DLG1: variants seen among roughly 807,000 people sequenced by gnomAD.
The protein encoded by DLG1 is discs large MAGUK scaffold protein 1.
A neutral mutation model predicts 123.4 loss-of-function variants in DLG1; 42 were observed. That is an observed-to-expected ratio of 0.34 (90% CI 0.27 to 0.44). The LOEUF is 0.44. Ranked by LOEUF, DLG1 falls within the 20% of genes least tolerant of loss-of-function variation. The pLI, the probability that DLG1 is intolerant of heterozygous loss-of-function variation, is 1.00. For synonymous variants in DLG1, 317 were observed against 356.2 expected, an observed-to-expected ratio of 0.89 and a Z score of 1.24; for missense variants, 942 against 1,082.6, an observed-to-expected ratio of 0.87 and a Z score of 1.82.
chr3:197,059,851 T>C lies in DLG1; in HGVS notation c.2483+38A>G. ...ATAAATTACCCTACAGTGACTGAAT[T>C]TGTACACAGAGGCTATGCCTTAGGC... On this transcript the variant is annotated intron_variant, in intron 23 of 24. Coordinates refer to ENST00000667157, the MANE Select transcript of DLG1 (RefSeq NM_001366207.1). 2.2e-6 allele frequency: 3 copies of C among 1,395,046 alleles called. No homozygotes were observed. In the Middle Eastern group the frequency reaches 5.4e-4, roughly 253 times the overall value. The allele number at this position is 1,395,046 out of a possible 1,614,324, so 86.4% of individuals were successfully genotyped here. A position where few individuals can be genotyped will look rare whatever the true frequency, so the allele number is the denominator to read the frequency against.
At chr3:197,128,133 G>A (rs1338269289) in intron 11 of DLG1, among the ~76,000 whole-genome samples, 1 of 152,118 alleles carries the variant, frequency 6.6e-6, no homozygotes, top group Non-Finnish European at 1.5e-5. Flanking sequence ...ATGTGATGCT[G>A]GTTTGTTAGC....
intron 4 of DLG1, among the ~76,000 whole-genome samples, chr3:197,275,669 T>C (rs977496372): frequency 1.3e-5 from 2 of 152,292 alleles, no homozygotes; most frequent in Admixed American, 6.5e-5. Flanking sequence ...ATGTTGTCAC[T>C]CATATGTGGA....
intron 4 of DLG1, among the ~76,000 whole-genome samples, chr3:197,219,343 C>A (rs1053068033): frequency 1.3e-5 from 2 of 152,166 alleles, no homozygotes; most frequent in African/African-American, 4.8e-5. Flanking sequence ...TATTCTTAAA[C>A]CACATCACCT....
intron 23 of DLG1, among the ~76,000 whole-genome samples, chr3:197,059,083 G>A (rs545979587): frequency 2.0e-5 from 3 of 152,204 alleles, no homozygotes; most frequent in East Asian, 3.9e-4. Context: ...CCGCGACCAC[G>A]CCCGGCTAAT....
rs142148865 is a variant in DLG1 at position 197,123,435 on chromosome 3, A to T, written c.1166-3905T>A. Among the ~76,000 whole-genome samples the T allele has an allele frequency of 3.3e-4, 51 of 152,348 alleles. No homozygotes were observed. The East Asian group carries it at 7.7e-3, about 23-fold the overall frequency. On this transcript the variant is annotated intron_variant, in intron 11 of 24. Coordinates refer to ENST00000667157, the MANE Select transcript of DLG1 (RefSeq NM_001366207.1). ...ATAAAACCAATGGAAAAATGTAAAAAGATTTGAACAGACATTGCATTGAAC... is the reference window on the plus strand; with the variant it reads ...ATAAAACCAATGGAAAAATGTAAAATGATTTGAACAGACATTGCATTGAAC...
intron 22 of DLG1, among the ~76,000 whole-genome samples, chr3:197,062,394 G>GA (rs1309614228): frequency 6.6e-6 from 1 of 152,174 alleles, no homozygotes; most frequent in Non-Finnish European, 1.5e-5. Flanking sequence ...TTGCGCCTCT[G>GA]AAAAGTTGAA....
chr3:197,094,801 T>C (rs1307817280), intron 14 of DLG1, among the ~76,000 whole-genome samples: 2 of 152,226 alleles, frequency 1.3e-5, no homozygotes, highest in Non-Finnish European at 2.9e-5. Flanking sequence ...GTCTGTTTGA[T>C]TCAGCTTCTT....
At chr3:197,166,577 A>G (rs1219448633) in intron 5 of DLG1, among the ~76,000 whole-genome samples, 1 of 152,114 alleles carries the variant, frequency 6.6e-6, no homozygotes, top group African/African-American at 2.4e-5. Context: ...ATTTCTAAAT[A>G]CTCATTCTGC....
intron 24 of DLG1, among the ~76,000 whole-genome samples, chr3:197,050,591 C>CTGTATTTCAT (rs1382551454): frequency 6.6e-6 from 1 of 152,120 alleles, no homozygotes; most frequent in Non-Finnish European, 1.5e-5. Flanking sequence ...AAAGCAAATA[C>CTGTATTTCAT]TGTATTTCAT....
rs1757406044 is a variant in DLG1, at chr3:197,090,929, C to T, written c.1644G>A (p.Lys548=). The part of the protein sequence containing the change: ...SGSGSLRTSQ[K]RSLYVRALFD... ...AAATTTACCTGACATAGAGGGATCG[C>T]TTCTGGCTAGTTCGAAGAGAACCTG... Residue 548 remains lysine (K), a synonymous_variant, in exon 15 of 25, where the codon AAG becomes AAA. Transcript: ENST00000667157. The T allele has an allele frequency of 6.2e-7, 1 of 1,609,220 alleles. No individual in the cohort carries two copies. The highest frequency in any genetic ancestry group is 1.3e-5 in the African/African-American group (1 of 74,954).
At position 197,120,278 on chromosome 3, in the gene DLG1, A is replaced by G. The variant is rs1327679344; in HGVS notation, c.1166-748T>C. On this transcript the variant is annotated intron_variant, in intron 11 of 24. Coordinates refer to ENST00000667157, the MANE Select transcript of DLG1 (RefSeq NM_001366207.1). ...AGATGCCCTGTCTCGAGAAAGAAAA[A>G]AAAAAAAAAAAAAGCAAAAACCAAA... 2.6e-5 allele frequency among the ~76,000 whole-genome samples: 4 copies of G among 151,734 alleles called. No individual in the cohort carries two copies. The South Asian group carries it at 6.2e-4, about 24-fold the overall frequency.
At chr3:197,252,795 C>T (rs1474878348) in intron 4 of DLG1, among the ~76,000 whole-genome samples, 4 of 152,158 alleles carry the variant, frequency 2.6e-5, no homozygotes, top group Non-Finnish European at 5.9e-5. Context: ...GTGGTAGTGG[C>T]TGCATCTCAT....
At chr3:197,066,821 AAAC>A in intron 19 of DLG1, 67 bp from the exon 20 acceptor site, 1 of 1,102,854 alleles carries the variant, frequency 9.1e-7, no homozygotes, top group Non-Finnish European at 1.4e-6. Flanking sequence ...AATTCTTCAT[AAAC>A]AACATATACA....
chr3:197,113,526 ATT>A (rs1180390079), intron 13 of DLG1, among the ~76,000 whole-genome samples: 1 of 152,092 alleles, frequency 6.6e-6, no homozygotes, highest in Non-Finnish European at 1.5e-5. Context: ...TAATAACATT[ATT>A]TGTCTTAAAT....
At chr3:197,232,002 C>G (rs1450197097) in intron 4 of DLG1, among the ~76,000 whole-genome samples, 3 of 152,088 alleles carry the variant, frequency 2.0e-5, no homozygotes, top group Non-Finnish European at 4.4e-5. Flanking sequence ...CCGCAATGTA[C>G]ATGGTCACAA....
chr3:197,232,063 G>A (rs775788557), intron 4 of DLG1, among the ~76,000 whole-genome samples: 7 of 152,160 alleles, frequency 4.6e-5, no homozygotes, highest in Non-Finnish European at 7.4e-5. Context: ...CAAATAATTT[G>A]CTTTGTGTAT....
At chr3:197,262,613 C>A (rs977826405) in intron 4 of DLG1, among the ~76,000 whole-genome samples, 1 of 152,202 alleles carries the variant, frequency 6.6e-6, no homozygotes, top group African/African-American at 2.4e-5. Context: ...TGGGGCTGAG[C>A]CCCCAACCTG....
chr3:197,106,927 G>A (rs997349566), intron 13 of DLG1, among the ~76,000 whole-genome samples: 2 of 151,932 alleles, frequency 1.3e-5, no homozygotes, highest in African/African-American at 2.4e-5. Flanking sequence ...GTGGTTTTTG[G>A]TATATTTGCA....
At chr3:197,229,753 T>C (rs1410967172) in intron 4 of DLG1, among the ~76,000 whole-genome samples, 3 of 152,240 alleles carry the variant, frequency 2.0e-5, no homozygotes, top group African/African-American at 4.8e-5. Flanking sequence ...CCTAAGAACT[T>C]TGCTTTTTTG....
Sources: allele counts gnomAD v4.1 joint callset (sites outside exome capture counted in the v4.1 genomes callset), GRCh38; gene constraint gnomAD v4.1.1; transcripts MANE v1.5; gene names NCBI Gene and HGNC (gene_info 2026-07-23, HGNC 2026-07-21).